The following SEMA3E variants were observed in gnomAD, a reference collection of about 807,000 sequenced individuals.
SEMA3E encodes semaphorin 3E.
SEMA3E carries 49 observed loss-of-function variants against 93.6 expected under a neutral mutation model. The ratio of observed to expected loss-of-function variants is 0.52; its 90% CI spans 0.42 to 0.66. SEMA3E has a LOEUF of 0.66. Ranked by LOEUF, SEMA3E falls within the 30% of genes least tolerant of loss-of-function variation. The pLI, the probability that SEMA3E is intolerant of heterozygous loss-of-function variation, is 0.00. For missense variants in SEMA3E, 906 were observed against 964.8 expected, an observed-to-expected ratio of 0.94 and a Z score of 0.81; for synonymous variants, 363 against 330.7, an observed-to-expected ratio of 1.10 and a Z score of -1.06.
chr7:83,559,958 A>G (rs1220258554), intron 1 of SEMA3E, among the ~76,000 whole-genome samples: 1 of 152,086 alleles, frequency 6.6e-6, no homozygotes, highest in Admixed American at 6.6e-5. Context: ...AAAGAAGCCA[A>G]TCTGAAAAGG....
At chr7:83,517,345 T>C (rs1790950807) in intron 1 of SEMA3E, among the ~76,000 whole-genome samples, 1 of 152,188 alleles carries the variant, frequency 6.6e-6, no homozygotes, top group Non-Finnish European at 1.5e-5. Context: ...TGGAGAGATT[T>C]GTACTAAAAT....
chr7:83,586,995 G>A (rs1181275980), intron 1 of SEMA3E, among the ~76,000 whole-genome samples: 1 of 152,076 alleles, frequency 6.6e-6, no homozygotes, highest in Non-Finnish European at 1.5e-5. Flanking sequence ...ATTGAAGGCT[G>A]TAAAATAAAG....
chr7:83,458,934 T>G (rs1026050018), intron 4 of SEMA3E, among the ~76,000 whole-genome samples: 5 of 136,740 alleles, frequency 3.7e-5, no homozygotes, highest in Admixed American at 3.3e-4. Context: ...TATATATGTA[T>G]ATATATACAC....
At chr7:83,550,913 C>A (rs1411619103) in intron 1 of SEMA3E, among the ~76,000 whole-genome samples, 1 of 152,032 alleles carries the variant, frequency 6.6e-6, no homozygotes, top group Admixed American at 6.6e-5. Flanking sequence ...ACATACATTT[C>A]AATACACATA....
rs915261071 is a variant in SEMA3E at position 83,521,100 on chromosome 7, T to A, written c.116-30826A>T. Among the ~76,000 whole-genome samples, 14 of 151,474 alleles carry A rather than the reference T, an allele frequency of 9.2e-5. 3 individuals carry two copies. The highest frequency in any genetic ancestry group is 7.3e-5 in the African/African-American group (3 of 41,348). On this transcript the variant is annotated intron_variant, in intron 1 of 16. Coordinates refer to ENST00000643230, the MANE Select transcript of SEMA3E (RefSeq NM_012431.3). ...AACTTTTAAGATTTTTTTTTTTTTT[T>A]AGATTCTGTGTATAGATGCACAAAA...
chr7:83,455,888 C>T (rs570762692), intron 4 of SEMA3E, among the ~76,000 whole-genome samples: 1 of 152,318 alleles, frequency 6.6e-6, no homozygotes, highest in African/African-American at 2.4e-5. Context: ...CTGCCAATAA[C>T]CTCATGAACC....
chr7:83,412,114 T>C (rs1009160183), intron 5 of SEMA3E, among the ~76,000 whole-genome samples: 5 of 152,140 alleles, frequency 3.3e-5, no homozygotes, highest in South Asian at 2.1e-4. Context: ...ATGTTCTCTC[T>C]GCTCTTTGGC....
chr7:83,415,422 T>C (rs1788521439), intron 5 of SEMA3E, among the ~76,000 whole-genome samples: 1 of 152,104 alleles, frequency 6.6e-6, no homozygotes, highest in South Asian at 2.1e-4. Flanking sequence ...AATATATGAT[T>C]TCATTTTGAT....
intron 1 of SEMA3E, among the ~76,000 whole-genome samples, chr7:83,583,541 G>A (rs1183345648): frequency 6.6e-6 from 1 of 151,948 alleles, no homozygotes; most frequent in Non-Finnish European, 1.5e-5. Context: ...CTTTCTTCTT[G>A]TCCTTCCCCA....
chr7:83,515,293 GA>G (rs5885363), intron 1 of SEMA3E, among the ~76,000 whole-genome samples: 90,585 of 135,118 alleles, frequency 0.67, 28,859 homozygotes, highest in East Asian at 0.76. Flanking sequence ...CTTTTCTTAT[GA>G]AAAAAAAAAA....
At chr7:83,585,465 G>A (rs543652566) in intron 1 of SEMA3E, among the ~76,000 whole-genome samples, 1 of 152,202 alleles carries the variant, frequency 6.6e-6, no homozygotes, top group African/African-American at 2.4e-5. Context: ...ATGATTGAAT[G>A]CCGTTTATGC....
chr7:83,370,557 TTC>T (rs1794736593), intron 16 of SEMA3E, among the ~76,000 whole-genome samples: 1 of 152,148 alleles, frequency 6.6e-6, no homozygotes, highest in Non-Finnish European at 1.5e-5. Context: ...TTCCCTTTTT[TTC>T]TGTTTCTTCT....
chr7:83,591,590 G>A (rs1013395183), intron 1 of SEMA3E, among the ~76,000 whole-genome samples: 5 of 151,760 alleles, frequency 3.3e-5, no homozygotes, highest in African/African-American at 7.3e-5. Flanking sequence ...AATAGTTTTT[G>A]TAAATTTAAT....
chr7:83,372,036 C>G, intron 16 of SEMA3E: 1 of 372,880 alleles, frequency 2.7e-6, no homozygotes, highest in Non-Finnish European at 4.8e-6. Flanking sequence ...TTTCTTTATT[C>G]TTCTGAATTA....
chr7:83,568,914 T>A (rs1175807915), intron 1 of SEMA3E, among the ~76,000 whole-genome samples: 5 of 152,004 alleles, frequency 3.3e-5, no homozygotes, highest in Non-Finnish European at 7.4e-5. Context: ...AAAAGGGATC[T>A]AGATTGGAAA....
chr7:83,506,032 A>ATATAT (rs1328621838), intron 1 of SEMA3E, among the ~76,000 whole-genome samples: 5 of 119,732 alleles, frequency 4.2e-5, no homozygotes, highest in African/African-American at 1.8e-4. Flanking sequence ...AAAAAAAAAA[A>ATATAT]ATATATATAT....
chr7:83,551,596 T>C (rs939716198), intron 1 of SEMA3E, among the ~76,000 whole-genome samples: 1 of 152,182 alleles, frequency 6.6e-6, no homozygotes, highest in Non-Finnish European at 1.5e-5. Flanking sequence ...AAGTGTGAAA[T>C]AGGCTCACAG....
intron 1 of SEMA3E, among the ~76,000 whole-genome samples, chr7:83,602,448 A>G (rs2115986589): frequency 6.6e-6 from 1 of 151,178 alleles, no homozygotes; most frequent in Admixed American, 6.6e-5. Context: ...CCCTCATCTT[A>G]CCTAGAGAGG....
At chr7:83,479,359 A>T (rs1185022114) in intron 2 of SEMA3E, among the ~76,000 whole-genome samples, 1 of 152,160 alleles carries the variant, frequency 6.6e-6, no homozygotes, top group Non-Finnish European at 1.5e-5. Flanking sequence ...TGTGCCACCT[A>T]TGGCACATGT....
Sources: gnomAD v4.1 joint callset for allele counts (sites outside exome capture counted in the v4.1 genomes callset) on GRCh38, gnomAD v4.1.1 for gene constraint, MANE v1.5 for transcripts, NCBI Gene and HGNC (gene_info 2026-07-23, HGNC 2026-07-21) for gene names.